The following PPP2R2B variants were observed in gnomAD, a reference collection of about 807,000 sequenced individuals.
The protein encoded by PPP2R2B is protein phosphatase 2 regulatory subunit Bbeta, also known as serine/threonine-protein phosphatase 2A 55 kDa regulatory subunit B beta isoform.
PPP2R2B carries 5 observed loss-of-function variants against 46.0 expected under a neutral mutation model. That is an observed-to-expected ratio of 0.11 (90% CI 0.06 to 0.23). The LOEUF is 0.23. Ranked by LOEUF, PPP2R2B falls within the 10% of genes least tolerant of loss-of-function variation. PPP2R2B has a pLI of 1.00. For synonymous variants in PPP2R2B, 215 were observed against 206.7 expected (o/e 1.04, Z -0.34); for missense variants, 367 against 575.0 (o/e 0.64, Z 3.70).
chr5:146,940,099 T>A (rs1400095987), intron 1 of PPP2R2B, among the ~76,000 whole-genome samples: 1 of 152,146 alleles, frequency 6.6e-6, no homozygotes, highest in Non-Finnish European at 1.5e-5. Context: ...CAAGAAGAGA[T>A]GAGTTAGCAT....
exon 2 of PPP2R2B, chr5:147,081,084 G>A (rs1262515540): frequency 5.9e-6 from 9 of 1,535,466 alleles, no homozygotes; most frequent in South Asian, 1.2e-5. Context: ...TCTCGATAGT[G>A]CCTTTCACTT....
intron 5 of PPP2R2B, among the ~76,000 whole-genome samples, chr5:146,675,057 G>C (rs568889312): frequency 4.0e-4 from 61 of 152,186 alleles, no homozygotes; most frequent in African/African-American, 1.2e-3. Flanking sequence ...CCACCTCCTG[G>C]GTTCAAGTGA....
At chr5:146,670,693 A>T in intron 5 of PPP2R2B, among the ~76,000 whole-genome samples, 1 of 151,910 alleles carries the variant, frequency 6.6e-6, no homozygotes, top group East Asian at 1.9e-4. Context: ...ACGGGGTTTC[A>T]TCATGTCAGC....
chr5:146,772,973 GATGTCAA>G (rs1754964961), intron 2 of PPP2R2B, among the ~76,000 whole-genome samples: 1 of 152,194 alleles, frequency 6.6e-6, no homozygotes, highest in Admixed American at 6.5e-5. Flanking sequence ...AAGCTTTTCA[GATGTCAA>G]ATAGCACTCA....
At chr5:146,674,349 T>C (rs1026695846) in intron 5 of PPP2R2B, among the ~76,000 whole-genome samples, 7 of 152,206 alleles carry the variant, frequency 4.6e-5, no homozygotes, top group Admixed American at 2.0e-4. Flanking sequence ...CTCTCTCCCA[T>C]GACGATTTCA....
intron 1 of PPP2R2B, among the ~76,000 whole-genome samples, chr5:147,014,738 G>C (rs1754914694): frequency 7.0e-6 from 1 of 143,654 alleles, no homozygotes; most frequent in African/African-American, 2.6e-5. Flanking sequence ...CTGTTGTGGG[G>C]TAGGGGGAGG....
chr5:146,670,729 C>G (rs1274109369), intron 5 of PPP2R2B, among the ~76,000 whole-genome samples: 1 of 152,024 alleles, frequency 6.6e-6, no homozygotes, highest in African/African-American at 2.4e-5. Context: ...CTCCTGACTT[C>G]AAGCGATCCG....
chr5:147,005,774 T>A (rs1754408473), intron 1 of PPP2R2B, among the ~76,000 whole-genome samples: 23 of 144,946 alleles, frequency 1.6e-4, no homozygotes, highest in African/African-American at 2.8e-4. Flanking sequence ...AAAGAGGGAG[T>A]CAGAAAGAGA....
intron 6 of PPP2R2B, among the ~76,000 whole-genome samples, chr5:146,648,288 T>C (rs1379952265): frequency 1.3e-5 from 2 of 152,184 alleles, no homozygotes; most frequent in East Asian, 3.9e-4. Flanking sequence ...CCCGAGTTTC[T>C]GAATTACTGA....
intron 1 of PPP2R2B, among the ~76,000 whole-genome samples, chr5:146,960,301 C>T (rs749639660): frequency 1.3e-5 from 2 of 151,722 alleles, no homozygotes; most frequent in African/African-American, 4.9e-5. Flanking sequence ...CATACACATG[C>T]TTTTTTTTGA....
At chr5:146,671,874 G>A (rs972776333) in intron 5 of PPP2R2B, among the ~76,000 whole-genome samples, 25 of 152,108 alleles carry the variant, frequency 1.6e-4, no homozygotes, top group East Asian at 1.9e-4. Flanking sequence ...ATTAACTTCT[G>A]GTTATTAAAG....
At chr5:146,737,293 C>T (rs1443162683) in intron 2 of PPP2R2B, among the ~76,000 whole-genome samples, 1 of 152,192 alleles carries the variant, frequency 6.6e-6, no homozygotes, top group African/African-American at 2.4e-5. Context: ...GTGTCTACTT[C>T]ATGCAAAGAC....
chr5:146,679,322 G>A (rs1777970378), intron 5 of PPP2R2B, among the ~76,000 whole-genome samples: 1 of 33,132 alleles, frequency 3.0e-5, no homozygotes, highest in Non-Finnish European at 4.5e-5. Flanking sequence ...AAATGGTGCT[G>A]GGAAAACTGG....
chr5:146,952,484 G>GA (rs916558612), intron 1 of PPP2R2B, among the ~76,000 whole-genome samples: 1 of 151,946 alleles, frequency 6.6e-6, no homozygotes, highest in Non-Finnish European at 1.5e-5. Flanking sequence ...CAAGGATGGG[G>GA]AAAAAAAGTT....
intron 2 of PPP2R2B, among the ~76,000 whole-genome samples, chr5:146,724,423 C>G (rs1331709834): frequency 6.6e-6 from 1 of 152,062 alleles, no homozygotes; most frequent in Non-Finnish European, 1.5e-5. Context: ...CAAATAAAAG[C>G]TTATGCCCTT....
chr5:146,737,492 A>G (rs540887913), intron 2 of PPP2R2B, among the ~76,000 whole-genome samples: 10 of 152,306 alleles, frequency 6.6e-5, no homozygotes, highest in Admixed American at 2.0e-4. Flanking sequence ...GATTCAACAA[A>G]TATCTATGGA....
chr5:146,947,207 A>G (rs1423806506), intron 1 of PPP2R2B, among the ~76,000 whole-genome samples: 1 of 152,202 alleles, frequency 6.6e-6, no homozygotes, highest in East Asian at 1.9e-4. Flanking sequence ...GATATTTGTT[A>G]TATTTCTGCA....
chr5:146,770,985 G>A (rs1754818838), intron 2 of PPP2R2B, among the ~76,000 whole-genome samples: 1 of 152,030 alleles, frequency 6.6e-6, no homozygotes, highest in Non-Finnish European at 1.5e-5. Flanking sequence ...ATGCATGATG[G>A]GCCATCCATG....
chr5:146,866,112 G>C (rs1398001552), intron 2 of PPP2R2B, among the ~76,000 whole-genome samples: 1 of 152,208 alleles, frequency 6.6e-6, no homozygotes, highest in Non-Finnish European at 1.5e-5. Context: ...TGGGACAAAG[G>C]CTGTATGGTC....
Sources: gnomAD v4.1 joint callset for allele counts (sites outside exome capture counted in the v4.1 genomes callset) on GRCh38, gnomAD v4.1.1 for gene constraint, MANE v1.5 for transcripts, NCBI Gene and HGNC (gene_info 2026-07-23, HGNC 2026-07-21) for gene names.